MMS22L: variants seen among roughly 807,000 people sequenced by gnomAD.
The protein encoded by MMS22L is MMS22 like, DNA repair protein.
In MMS22L, 74 loss-of-function variants were observed where a neutral mutation model predicts 159.1. The observed-to-expected ratio is 0.47, with a 90% CI of 0.39 to 0.56. The LOEUF is 0.56. Ranked by LOEUF, MMS22L falls within the 20% of genes least tolerant of loss-of-function variation. The pLI is 0.00. For missense variants in MMS22L, 1,351 were observed against 1,422.1 expected (o/e 0.95, Z 0.80); for synonymous variants, 517 against 506.9 (o/e 1.02, Z -0.27).
Position 97,263,318 on chromosome 6 carries a change from T to C in MMS22L, c.942+17A>G. On this transcript the variant is annotated intron_variant, in intron 9 of 24. Transcript: ENST00000683635. ...AAGGTTAGTAACAATAACCAACACA[T>C]CAATTTTCCAACTTACTTCCGAGAC... 1 of 1,451,758 alleles carries C rather than the reference T, an allele frequency of 6.9e-7. No individual in the cohort carries two copies. Among genetic ancestry groups the C allele is most frequent in the Non-Finnish European group, 9.5e-7 (1 of 1,048,872 alleles). 89.9% of individuals were successfully genotyped at this position (1,451,758 alleles called of 1,614,324 possible). A position where few individuals can be genotyped will look rare whatever the true frequency, so the allele number is the denominator to read the frequency against.
At chr6:97,249,572 T>C (rs952610278) in intron 10 of MMS22L, among the ~76,000 whole-genome samples, 2 of 152,130 alleles carry the variant, frequency 1.3e-5, no homozygotes, top group Non-Finnish European at 2.9e-5. Context: ...GTTCTTGACA[T>C]AGTGCTTCCT....
At chr6:97,259,842 T>C (rs1247217988) in intron 9 of MMS22L, 1 of 152,152 alleles carries the variant, frequency 6.6e-6, no homozygotes, top group Non-Finnish European at 1.5e-5. Context: ...TACTATACTA[T>C]TATAAAAACA....
At position 97,273,065 on chromosome 6, in the gene MMS22L, G is replaced by A; in HGVS notation, c.341-3C>T. ...GCAGTGTAGAGTTGATACCTTCCCT[G>A]AAACCAAAATAGACAATGTTAATCA... On this transcript the variant is annotated splice_region_variant and splice_polypyrimidine_tract_variant and intron_variant, in intron 4 of 24. Transcript: ENST00000683635. 6.3e-7 allele frequency: 1 copy of A among 1,599,612 alleles called. No homozygotes were observed. Among genetic ancestry groups the A allele is most frequent in the Non-Finnish European group, 8.5e-7 (1 of 1,175,518 alleles).
intron 4 of MMS22L, 46 bp from the exon 5 acceptor site, chr6:97,273,108 A>G (rs374583805): frequency 1.4e-6 from 2 of 1,471,626 alleles, no homozygotes; most frequent in Non-Finnish European, 1.9e-6. Flanking sequence ...AATAATTATC[A>G]TGGGCAGTGA....
chr6:97,156,312 A>C (rs546229787), intron 22 of MMS22L, among the ~76,000 whole-genome samples: 11 of 152,092 alleles, frequency 7.2e-5, no homozygotes, highest in Non-Finnish European at 1.6e-4. Flanking sequence ...TGCTATGCAG[A>C]AGCTCTTTAA....
At chr6:97,242,220 T>C (rs1384636093) in intron 11 of MMS22L, among the ~76,000 whole-genome samples, 2 of 152,188 alleles carry the variant, frequency 1.3e-5, no homozygotes, top group Non-Finnish European at 2.9e-5. Context: ...ACTATTATTG[T>C]GTTGCCATCT....
Position 97,168,064 on chromosome 6 carries a change from A to G in MMS22L, c.3009+7T>C, listed in dbSNP as rs1474732920. 6.3e-7 allele frequency: 1 copy of G among 1,596,936 alleles called. No homozygotes were observed. Among genetic ancestry groups the G allele is most frequent in the Admixed American group, 1.8e-5 (1 of 55,872 alleles). On this transcript the variant is annotated splice_region_variant and intron_variant, in intron 20 of 24. Transcript: ENST00000683635. The stretch of plus-strand genomic sequence containing the variant: ...TTTAAACTTTTAAGCAACCACAGAT[A>G]CTATACCTGGAGATACAAAGGAAGA...
At chr6:97,253,243 T>A (rs945358837) in intron 10 of MMS22L, among the ~76,000 whole-genome samples, 2 of 152,146 alleles carry the variant, frequency 1.3e-5, no homozygotes, top group Admixed American at 6.6e-5. Context: ...TGATGCTATA[T>A]TAATACTAAC....
intron 14 of MMS22L, among the ~76,000 whole-genome samples, chr6:97,196,066 A>G (rs1806464708): frequency 6.6e-6 from 1 of 152,214 alleles, no homozygotes. Context: ...ATCTGGACCT[A>G]GAGTCGAAGA....
intron 3 of MMS22L, among the ~76,000 whole-genome samples, chr6:97,279,455 G>A (rs1352718174): frequency 2.0e-5 from 3 of 151,512 alleles, no homozygotes; most frequent in Non-Finnish European, 4.4e-5. Context: ...CTGCACTCCA[G>A]CCTGGGCAAC....
chr6:97,201,552 T>C lies in MMS22L; in HGVS notation c.2040-14862A>G, dbSNP rs75235462. Among the ~76,000 whole-genome samples the C allele has an allele frequency of 1.0e-3, 156 of 152,322 alleles. 1 individual carries two copies. Among genetic ancestry groups the C allele is most frequent in the African/African-American group, 3.7e-3 (153 of 41,570 alleles). On this transcript the variant is annotated intron_variant, in intron 14 of 24. Coordinates refer to ENST00000683635, the MANE Select transcript of MMS22L (RefSeq NM_001350599.2). ...ACAATGTCAACTCTGCCTGGTCGTG[T>C]TAACAGGAAAATGTTTTACGAGTTC...
Position 97,229,128 on chromosome 6 carries a change from T to C in MMS22L, c.1805A>G (p.Lys602Arg). ...AEKFSCAFREKAKEFLVSKNE... is the reference protein window; with the variant it reads ...AEKFSCAFRERAKEFLVSKNE... ...CTTAGACACCAAGAATTCCTTTGCT[T>C]TCTCCCGGAAAGCACATGAAAATTT... The change falls in exon 14 of 25, where the codon AAA becomes AGA. Residue 602 changes from lysine (K) to arginine (R), a missense_variant. Coordinates refer to ENST00000683635, the MANE Select transcript of MMS22L (RefSeq NM_001350599.2). The C allele has an allele frequency of 1.2e-6, 2 of 1,614,100 alleles. No individual in the cohort carries two copies. The highest frequency in any genetic ancestry group is 2.2e-5 in the South Asian group (2 of 91,076).
chr6:97,244,324 A>G (rs780921735), intron 11 of MMS22L, among the ~76,000 whole-genome samples: 24 of 152,172 alleles, frequency 1.6e-4, no homozygotes, highest in Non-Finnish European at 2.9e-4. Flanking sequence ...TGGAGCTCCC[A>G]TGAGTTTATG....
Position 97,162,017 on chromosome 6 carries a change from C to T in MMS22L, c.3370G>A (p.Val1124Ile), listed in dbSNP as rs769119407. The T allele has an allele frequency of 8.7e-6, 14 of 1,610,228 alleles. No individual in the cohort carries two copies. In the East Asian group the frequency reaches 8.9e-5, roughly 10 times the overall value. The change falls in exon 22 of 25, where the codon GTC (valine) becomes ATC (isoleucine). Residue 1124 changes from valine (V) to isoleucine (I), a missense_variant. By Grantham distance (29) the Val-to-Ile change is conservative. Coordinates refer to ENST00000683635, the MANE Select transcript of MMS22L (RefSeq NM_001350599.2). ...LPGILKCLVLVSEPQVKRLAT... is the reference protein window; with the variant it reads ...LPGILKCLVLISEPQVKRLAT... ...ACAAACAAACCTTGTGGTTCACTGA[C>T]TAACACCAAGCATTTTAAAATGCCA... is the stretch of plus-strand genomic sequence containing the variant.
intron 3 of MMS22L, among the ~76,000 whole-genome samples, chr6:97,280,214 G>A (rs897405759): frequency 1.3e-5 from 2 of 152,152 alleles, no homozygotes; most frequent in Non-Finnish European, 2.9e-5. Flanking sequence ...ATCACATATA[G>A]ATTTTTACTG....
intron 3 of MMS22L, among the ~76,000 whole-genome samples, 188 bp downstream of exon 3, chr6:97,281,049 C>G (rs533652789): frequency 1.3e-5 from 2 of 152,162 alleles, no homozygotes; most frequent in East Asian, 3.9e-4. Flanking sequence ...ATTCTGAAAA[C>G]GCAACTCATT....
chr6:97,226,589 C>T (rs1432692604), intron 14 of MMS22L, among the ~76,000 whole-genome samples: 3 of 151,584 alleles, frequency 2.0e-5, no homozygotes, highest in Non-Finnish European at 2.9e-5. Context: ...AGTGAAACTC[C>T]GTCTCAAAAT....
chr6:97,208,216 T>C (rs970306072), intron 14 of MMS22L, among the ~76,000 whole-genome samples: 7 of 152,136 alleles, frequency 4.6e-5, no homozygotes, highest in Non-Finnish European at 7.4e-5. Context: ...TATGTATTTT[T>C]AAAAATTACT....
At chr6:97,283,287 C>T (rs9384906), upstream of MMS22L, 57,171 of 152,004 alleles carry the variant, frequency 0.38, 12,305 homozygotes, top group East Asian at 0.79. Context: ...CAGTCGGAGC[C>T]CCACGAATTC....
Sources: allele counts gnomAD v4.1 joint callset (sites outside exome capture counted in the v4.1 genomes callset), GRCh38; gene constraint gnomAD v4.1.1; transcripts MANE v1.5; gene names NCBI Gene and HGNC (gene_info 2026-07-23, HGNC 2026-07-21).